The following SAMMSON variants were observed in gnomAD, a reference collection of about 807,000 sequenced individuals.
The protein encoded by SAMMSON is survival associated mitochondrial melanoma specific oncogenic non-coding RNA.
At chr3:70,305,752 G>A (rs1226403276) in intron 7 of SAMMSON, among the ~76,000 whole-genome samples, 1 of 152,182 alleles carries the variant, frequency 6.6e-6, no homozygotes, top group African/African-American at 2.4e-5. Context: ...TAGAATTAAA[G>A]AAGGAAAGTC....
chr3:70,238,247 T>A (rs1006359296), intron 4 of SAMMSON, among the ~76,000 whole-genome samples: 4 of 151,896 alleles, frequency 2.6e-5, no homozygotes, highest in Non-Finnish European at 4.4e-5. Context: ...AGTTCTCTCC[T>A]TCTATGTAAG....
intron 4 of SAMMSON, among the ~76,000 whole-genome samples, chr3:70,116,292 C>CTTTTTTTT (rs57252778): frequency 0.032 from 3,743 of 117,882 alleles, 86 homozygotes; most frequent in Non-Finnish European, 0.048. Context: ...GCGATGCTTT[C>CTTTTTTTT]TTTTTTTTTT....
chr3:70,385,789 T>C (rs192405794), intron 9 of SAMMSON, among the ~76,000 whole-genome samples: 32 of 152,282 alleles, frequency 2.1e-4, no homozygotes, highest in Non-Finnish European at 1.5e-5. Flanking sequence ...TTTAAGCTCC[T>C]AAAGTACAGA....
At chr3:70,293,044 G>GCA in intron 7 of SAMMSON, among the ~76,000 whole-genome samples, 1 of 22,880 alleles carries the variant, frequency 4.4e-5, no homozygotes, top group African/African-American at 1.7e-4. Context: ...GTGGTTTGAA[G>GCA]CAAAAAAAAA....
At chr3:70,154,708 G>A (rs565889095) in intron 4 of SAMMSON, among the ~76,000 whole-genome samples, 82 of 152,198 alleles carry the variant, frequency 5.4e-4, no homozygotes, top group Non-Finnish European at 7.4e-4. Flanking sequence ...AGGAAACCAT[G>A]AAAGTTTAGG....
chr3:70,419,463 C>T (rs9866110), intron 2 of SAMMSON, among the ~76,000 whole-genome samples: 3,322 of 152,160 alleles, frequency 0.022, 126 homozygotes, highest in African/African-American at 0.076. Flanking sequence ...AAATGGTTCC[C>T]TTTATGTTTG....
At chr3:70,187,684 T>C (rs966496970) in intron 4 of SAMMSON, among the ~76,000 whole-genome samples, 3 of 151,502 alleles carry the variant, frequency 2.0e-5, no homozygotes, top group East Asian at 3.9e-4. Context: ...GATCCGCCCG[T>C]CTCGGCCTCC....
At chr3:70,082,652 A>T (rs879494267) in intron 4 of SAMMSON, among the ~76,000 whole-genome samples, 1 of 152,172 alleles carries the variant, frequency 6.6e-6, no homozygotes, top group Non-Finnish European at 1.5e-5. Context: ...GTATGAACAG[A>T]TGTTTGAACC....
chr3:70,380,934 A>G (rs939176382), intron 9 of SAMMSON, among the ~76,000 whole-genome samples: 1 of 152,140 alleles, frequency 6.6e-6, no homozygotes, highest in African/African-American at 2.4e-5. Flanking sequence ...TTCTTAATCC[A>G]GTCTATCATT....
chr3:70,396,611 G>T (rs1315211354), intron 2 of SAMMSON, among the ~76,000 whole-genome samples: 1 of 152,112 alleles, frequency 6.6e-6, no homozygotes, highest in African/African-American at 2.4e-5. Context: ...ACCAAATTAA[G>T]GTTTCATGTG....
chr3:70,170,833 C>A (rs887524069), intron 4 of SAMMSON, among the ~76,000 whole-genome samples: 1 of 151,750 alleles, frequency 6.6e-6, no homozygotes, highest in African/African-American at 2.4e-5. Flanking sequence ...TGGTGATCTG[C>A]AATTTATTTT....
chr3:70,379,591 T>C (rs1163741418), intron 9 of SAMMSON, among the ~76,000 whole-genome samples: 1 of 152,166 alleles, frequency 6.6e-6, no homozygotes, highest in Non-Finnish European at 1.5e-5. Context: ...TGGGCTTTGA[T>C]AGCTTCCCTC....
intron 7 of SAMMSON, among the ~76,000 whole-genome samples, chr3:70,338,866 A>G (rs187557873): frequency 6.6e-6 from 1 of 152,198 alleles, no homozygotes; most frequent in Non-Finnish European, 1.5e-5. Flanking sequence ...CCATCAAGCT[A>G]CCAATGACTT....
At chr3:70,176,575 A>G (rs184825307) in intron 4 of SAMMSON, among the ~76,000 whole-genome samples, 3 of 152,294 alleles carry the variant, frequency 2.0e-5, no homozygotes, top group Admixed American at 1.3e-4. Flanking sequence ...TGGTAATTCA[A>G]TAGAAGCTTT....
At chr3:70,029,920 G>T (rs1457196458) in intron 3 of SAMMSON, among the ~76,000 whole-genome samples, 1 of 152,094 alleles carries the variant, frequency 6.6e-6, no homozygotes, top group Non-Finnish European at 1.5e-5. Flanking sequence ...TCCATTACTT[G>T]AGAGATTCTC....
chr3:70,234,709 A>G (rs1701591496), intron 4 of SAMMSON, among the ~76,000 whole-genome samples: 2 of 152,014 alleles, frequency 1.3e-5, no homozygotes, highest in South Asian at 4.1e-4. Context: ...ACATACATCT[A>G]CTTTGCAGCA....
intron 2 of SAMMSON, among the ~76,000 whole-genome samples, chr3:70,427,330 T>C (rs1393022731): frequency 6.6e-6 from 1 of 152,232 alleles, no homozygotes; most frequent in Non-Finnish European, 1.5e-5. Context: ...GATACTTGTA[T>C]AGAATTTTAA....
chr3:70,001,036 G>A (rs1344394433), intron 1 of SAMMSON, among the ~76,000 whole-genome samples: 8 of 152,046 alleles, frequency 5.3e-5, no homozygotes, highest in Admixed American at 2.0e-4. Context: ...TGTTCCACTG[G>A]ACAATGAGCC....
At chr3:70,424,827 C>CCACT (rs1278619621) in intron 2 of SAMMSON, 4 of 152,114 alleles carry the variant, frequency 2.6e-5, no homozygotes, top group African/African-American at 9.7e-5. Flanking sequence ...TGGCTTCTAC[C>CCACT]CACTACATGC....
Sources: gnomAD v4.1 joint callset for allele counts (sites outside exome capture counted in the v4.1 genomes callset) on GRCh38, gnomAD v4.1.1 for gene constraint, MANE v1.5 for transcripts, NCBI Gene and HGNC (gene_info 2026-07-23, HGNC 2026-07-21) for gene names.